Variants in PTPRT observed in about 807,000 individuals in gnomAD.
The protein encoded by PTPRT is protein tyrosine phosphatase receptor type T.
Under a neutral mutation model 176.8 loss-of-function variants are expected in PTPRT, and 56 were observed. The ratio of observed to expected loss-of-function variants is 0.32; its 90% confidence interval spans 0.26 to 0.40. The LOEUF (loss-of-function observed/expected upper bound fraction) is 0.40. Among genes scored for constraint, PTPRT ranks in the 10% least tolerant of loss-of-function variants. The pLI, the probability that PTPRT is intolerant of heterozygous loss-of-function variation, is 1.00. For missense variants in PTPRT, 1,540 were observed against 1,908.2 expected (o/e 0.81, Z 3.60); for synonymous variants, 783 against 739.0 (o/e 1.06, Z -0.96).
At chr20:43,118,995 T>C (rs2013157133) in intron 1 of PTPRT, among the ~76,000 whole-genome samples, 1 of 152,236 alleles carries the variant, frequency 6.6e-6, no homozygotes, top group Non-Finnish European at 1.5e-5. Context: ...GAGTAAGCTG[T>C]TCATTAAAGC....
intron 11 of PTPRT, among the ~76,000 whole-genome samples, chr20:42,349,005 T>C (rs1209641120): frequency 3.3e-5 from 5 of 152,194 alleles, no homozygotes; most frequent in African/African-American, 1.2e-4. Flanking sequence ...GGGGGAGCAT[T>C]GTCCAAAGAC....
chr20:42,907,148 A>G (rs1158833661), intron 1 of PTPRT, among the ~76,000 whole-genome samples: 1 of 152,228 alleles, frequency 6.6e-6, no homozygotes, highest in Non-Finnish European at 1.5e-5. Context: ...AAATCATCAT[A>G]AACATTTAAA....
chr20:42,511,744 T>C (rs186418149), intron 7 of PTPRT, among the ~76,000 whole-genome samples: 1 of 152,172 alleles, frequency 6.6e-6, no homozygotes, highest in African/African-American at 2.4e-5. Flanking sequence ...TTTTTTTTTT[T>C]TAGATACCAA....
At chr20:42,504,133 C>T (rs2071803497) in intron 7 of PTPRT, among the ~76,000 whole-genome samples, 1 of 152,076 alleles carries the variant, frequency 6.6e-6, no homozygotes, top group South Asian at 2.1e-4. Flanking sequence ...ATAATTTCCT[C>T]AGTACCTAGA....
intron 19 of PTPRT, among the ~76,000 whole-genome samples, chr20:42,122,650 A>G (rs1044568513): frequency 2.0e-5 from 3 of 152,184 alleles, no homozygotes; most frequent in Admixed American, 2.0e-4. Context: ...GGCTGAGGCC[A>G]CAGCACCAAC....
intron 7 of PTPRT, among the ~76,000 whole-genome samples, chr20:42,648,288 C>A (rs1299847022): frequency 1.3e-5 from 2 of 152,098 alleles, no homozygotes; most frequent in Non-Finnish European, 2.9e-5. Flanking sequence ...GCAAAAAGGG[C>A]TGTTGGGGTG....
chr20:42,876,915 G>A (rs535493527), intron 2 of PTPRT, among the ~76,000 whole-genome samples: 1 of 152,204 alleles, frequency 6.6e-6, no homozygotes, highest in East Asian at 1.9e-4. Context: ...AGTCAGGGAG[G>A]GCCTCCTGGA....
Position 42,236,270 on chromosome 20 carries a change from T to C in PTPRT, c.2313-12A>G. ...AATAAGCATTTCTTCTATATATTGA[T>C]GGGCAGTCAGATGAAGGAAATGTCC... is the stretch of plus-strand genomic sequence containing the variant. On this transcript the variant is annotated splice_polypyrimidine_tract_variant and intron_variant, in intron 14 of 30. Coordinates refer to ENST00000373187, the MANE Select transcript of PTPRT (RefSeq NM_007050.6). 3.8e-6 allele frequency: 6 copies of C among 1,588,104 alleles called. No homozygotes were observed. Among genetic ancestry groups the C allele is most frequent in the Non-Finnish European group, 3.5e-6 (4 of 1,158,008 alleles).
At chr20:42,461,446 A>G (rs2145891479) in intron 8 of PTPRT, among the ~76,000 whole-genome samples, 1 of 152,288 alleles carries the variant, frequency 6.6e-6, no homozygotes, top group African/African-American at 2.4e-5. Flanking sequence ...GTGAGGTGGG[A>G]GGGCCGTTTG....
intron 6 of PTPRT, among the ~76,000 whole-genome samples, chr20:42,715,734 T>TC (rs1162425956): frequency 2.4e-4 from 37 of 152,194 alleles, no homozygotes; most frequent in African/African-American, 8.7e-4. Context: ...AGAGATACCA[T>TC]ATTCATGGAT....
intron 9 of PTPRT, among the ~76,000 whole-genome samples, chr20:42,364,145 C>T (rs188484902): frequency 6.6e-4 from 101 of 152,254 alleles, no homozygotes; most frequent in Middle Eastern, 3.4e-3. Context: ...TTTCTGACCA[C>T]CTGGGAACTT....
intron 6 of PTPRT, among the ~76,000 whole-genome samples, chr20:42,723,818 A>G (rs952810749): frequency 1.3e-5 from 2 of 152,232 alleles, no homozygotes; most frequent in African/African-American, 2.4e-5. Context: ...TGGGCAGATC[A>G]GAAGGCTGTG....
intron 1 of PTPRT, among the ~76,000 whole-genome samples, chr20:42,918,984 C>T (rs1040472466): frequency 6.6e-6 from 1 of 152,198 alleles, no homozygotes; most frequent in Admixed American, 6.5e-5. Context: ...AACAGTAAAA[C>T]AGATTTTGCA....
intron 8 of PTPRT, among the ~76,000 whole-genome samples, chr20:42,469,323 C>T (rs2071154123): frequency 6.6e-6 from 1 of 152,154 alleles, no homozygotes; most frequent in African/African-American, 2.4e-5. Context: ...CCTGCCTCAG[C>T]CTTCTGAGTA....
At chr20:42,254,902 C>G (rs548190740) in intron 13 of PTPRT, among the ~76,000 whole-genome samples, 5 of 152,282 alleles carry the variant, frequency 3.3e-5, no homozygotes, top group Non-Finnish European at 7.3e-5. Flanking sequence ...TTTACCTCAA[C>G]TTGGTTCCCC....
intron 6 of PTPRT, among the ~76,000 whole-genome samples, chr20:42,712,366 A>G (rs187409684): frequency 6.3e-4 from 96 of 152,200 alleles, no homozygotes; most frequent in African/African-American, 2.0e-3. Flanking sequence ...TAGCAGCCCA[A>G]AAAAGAAGCC....
intron 1 of PTPRT, among the ~76,000 whole-genome samples, chr20:43,113,370 AT>A (rs1178669850): frequency 6.6e-6 from 1 of 152,242 alleles, no homozygotes; most frequent in Non-Finnish European, 1.5e-5. Context: ...TTTAATAATT[AT>A]TTTAACTTTG....
At chr20:42,809,913 G>T (rs1194162770) in intron 2 of PTPRT, among the ~76,000 whole-genome samples, 2 of 152,086 alleles carry the variant, frequency 1.3e-5, no homozygotes, top group Non-Finnish European at 2.9e-5. Context: ...ATGCTGGGGG[G>T]CCGTGATTCA....
downstream of PTPRT, among the ~76,000 whole-genome samples, chr20:42,068,811 G>A (rs927276156): frequency 6.6e-6 from 1 of 152,196 alleles, no homozygotes; most frequent in African/African-American, 2.4e-5. Context: ...TATTTGTAGG[G>A]ATTTTAAAGG....
Sources: allele counts gnomAD v4.1 joint callset (sites outside exome capture counted in the v4.1 genomes callset), GRCh38; gene constraint gnomAD v4.1.1; transcripts MANE v1.5; gene names NCBI Gene and HGNC (gene_info 2026-07-23, HGNC 2026-07-21).